NBPF11: variants seen among roughly 807,000 people sequenced by gnomAD.
The protein encoded by NBPF11 is NBPF member 11.
In NBPF11, 72 loss-of-function variants were observed where a neutral mutation model predicts 93.9. The ratio of observed to expected loss-of-function variants is 0.77; its 90% CI spans 0.63 to 0.93. NBPF11 has a LOEUF of 0.93. Ranked by LOEUF, NBPF11 falls within the 40% of genes least tolerant of loss-of-function variation. The probability of loss-of-function intolerance (pLI) is 0.00; values close to 1 mark genes in which losing one functional copy is unlikely to be tolerated. For synonymous variants in NBPF11, 224 were observed against 304.9 expected (o/e 0.73, Z 2.76); for missense variants, 705 against 802.2 (o/e 0.88, Z 1.46).
intron 2 of NBPF11, among the ~76,000 whole-genome samples, chr1:148,142,207 A>G (rs1672306892): frequency 6.6e-6 from 1 of 151,834 alleles, no homozygotes; most frequent in East Asian, 1.9e-4. Flanking sequence ...ATTTACATGA[A>G]GATGAGAACA....
intron 7 of NBPF11, 145 bp from the exon 8 acceptor site, chr1:148,122,946 C>G (rs1244225203): frequency 1.0e-5 from 15 of 1,449,036 alleles, no homozygotes; most frequent in Non-Finnish European, 1.4e-5. Context: ...ACAAAATGCC[C>G]TGGCATGGTT....
intron 2 of NBPF11, among the ~76,000 whole-genome samples, chr1:148,138,765 C>G (rs1419773407): frequency 3.3e-5 from 5 of 151,796 alleles, no homozygotes; most frequent in Admixed American, 3.3e-4. Context: ...TCTTCCTACA[C>G]AGACACAGTA....
rs1220150877 is a variant in NBPF11 at position 148,103,875 on chromosome 1, C to A, written c.*21G>T. On this transcript the variant is annotated 3_prime_UTR_variant, in exon 24 of 24. Transcript: ENST00000682118. ...TATCTATCCAGTGAGTCCTGTAAGA[C>A]TTCAGGCACTTCCACTTCCATCAGC... The A allele has an allele frequency of 5.6e-6, 9 of 1,611,020 alleles. No homozygotes were observed. Among genetic ancestry groups the A allele is most frequent in the Non-Finnish European group, 7.6e-6 (9 of 1,179,302 alleles).
chr1:148,125,287 A>C (rs1668841658), intron 5 of NBPF11, among the ~76,000 whole-genome samples: 1 of 151,746 alleles, frequency 6.6e-6, no homozygotes, highest in South Asian at 2.1e-4. Flanking sequence ...CTGAGGTCTG[A>C]CTCTGAATGC....
chr1:148,114,222 A>T (rs1665942764), intron 15 of NBPF11, among the ~76,000 whole-genome samples: 1 of 150,886 alleles, frequency 6.6e-6, no homozygotes, highest in African/African-American at 2.4e-5. Context: ...TGGCTAGTTC[A>T]CCTGGCTCAT....
chr1:148,118,029 C>G (rs1248610167), intron 11 of NBPF11, among the ~76,000 whole-genome samples: 1 of 151,798 alleles, frequency 6.6e-6, no homozygotes, highest in Non-Finnish European at 1.5e-5. Flanking sequence ...CTTCTGTAAA[C>G]AAAAGTAGGT....
At chr1:148,146,242 C>T (rs1673006158) in intron 1 of NBPF11, among the ~76,000 whole-genome samples, 1 of 151,650 alleles carries the variant, frequency 6.6e-6, no homozygotes, top group Admixed American at 6.6e-5. Context: ...GGGCCCTGGC[C>T]TCCTAACGGG....
intron 23 of NBPF11, among the ~76,000 whole-genome samples, 199 bp downstream of exon 23, chr1:148,104,338 C>T (rs1291825995): frequency 6.8e-6 from 1 of 146,128 alleles, no homozygotes; most frequent in Admixed American, 6.8e-5. Flanking sequence ...GTATGGTCCA[C>T]CTATGGTACG....
rs1253566121 is a variant in NBPF11 at position 148,125,754 on chromosome 1, G to C, written c.176-753C>G. On this transcript the variant is annotated intron_variant, in intron 5 of 23. Coordinates refer to ENST00000682118, the MANE Select transcript of NBPF11 (RefSeq NM_001385469.3). ...ATGTAATTCATTGCAGCAATTTACA[G>C]AGGTAGGCATTATTGTAGTACCCTC... 5.3e-4 allele frequency among the ~76,000 whole-genome samples: 81 copies of C among 152,092 alleles called. 2 individuals carry two copies. The highest frequency in any genetic ancestry group is 2.0e-3 in the African/African-American group (81 of 41,340).
chr1:148,119,646 C>T (rs1450724871), intron 10 of NBPF11, among the ~76,000 whole-genome samples: 1 of 151,924 alleles, frequency 6.6e-6, no homozygotes, highest in Non-Finnish European at 1.5e-5. Flanking sequence ...GCTTTTTATT[C>T]TTATTTTTAT....
chr1:148,140,907 C>T lies in NBPF11; in HGVS notation c.-277+2508G>A, dbSNP rs1299396829. Among the ~76,000 whole-genome samples, 93 of 151,972 alleles carry T rather than the reference C, an allele frequency of 6.1e-4. 1 individual carries two copies. The highest frequency in any genetic ancestry group is 1.7e-3 in the African/African-American group (70 of 41,296). On this transcript the variant is annotated intron_variant, in intron 2 of 23. Coordinates refer to ENST00000682118, the MANE Select transcript of NBPF11 (RefSeq NM_001385469.3). ...TGTCAAAACTTGGAAGTACCCAAGA[C>T]GTCTTTCACCAAGTGAATGAATAAA...
rs1273712915 is a variant in NBPF11 at position 148,123,147 on chromosome 1, C to T, written c.494-346G>A. ...ACAGGCTTGGTGTCCTGTCACAGTT[C>T]GCATTTCAAACCTCATTCATTCTCT... On this transcript the variant is annotated intron_variant, in intron 7 of 23. Coordinates refer to ENST00000682118, the MANE Select transcript of NBPF11 (RefSeq NM_001385469.3). Among the ~76,000 whole-genome samples, 49 of 152,098 alleles carry T rather than the reference C, an allele frequency of 3.2e-4. 1 individual carries two copies. Among genetic ancestry groups the T allele is most frequent in the African/African-American group, 8.9e-4 (37 of 41,368 alleles).
At chr1:148,114,986 G>A (rs1418792492) in intron 14 of NBPF11, among the ~76,000 whole-genome samples, 1 of 147,508 alleles carries the variant, frequency 6.8e-6, no homozygotes, top group East Asian at 2.0e-4. Context: ...CCAATATGGG[G>A]AAACCCTGTC....
intron 9 of NBPF11, 39 bp from the exon 10 acceptor site, chr1:148,120,749 C>T: frequency 7.2e-7 from 1 of 1,379,390 alleles, no homozygotes; most frequent in Middle Eastern, 2.5e-4. Context: ...GGGTTAAAAA[C>T]TGGTGAAATC....
chr1:148,105,902 C>G (rs1663483253), intron 21 of NBPF11, among the ~76,000 whole-genome samples: 1 of 138,806 alleles, frequency 7.2e-6, no homozygotes, highest in Admixed American at 7.2e-5. Context: ...AGACTGTGCT[C>G]AATAATTTTC....
intron 15 of NBPF11, among the ~76,000 whole-genome samples, chr1:148,111,494 T>TA (rs587596580): frequency 3.4e-4 from 51 of 151,960 alleles, no homozygotes; most frequent in Admixed American, 2.4e-3. Context: ...GCAAGGAAGC[T>TA]AAAAACCTTA....
Position 148,149,623 on chromosome 1 carries a change from CG to C in NBPF11, c.-549+2126del. The C allele has an allele frequency of 3.3e-6, 5 of 1,506,668 alleles. No individual in the cohort carries two copies. In the South Asian group the frequency reaches 5.8e-5, roughly 17 times the overall value. 93.3% of individuals were successfully genotyped at this position (1,506,668 alleles called of 1,614,324 possible). A position where few individuals can be genotyped will look rare whatever the true frequency, so the allele number is the denominator to read the frequency against. ...AAGGCGGCCCCCGGACCTCACCCCG[CG>C]CCGGCCCCCACCCAGGGGCTGCATG... is the stretch of plus-strand genomic sequence containing the variant. On this transcript the variant is annotated intron_variant, in intron 1 of 23. Transcript: ENST00000682118.
intron 10 of NBPF11, among the ~76,000 whole-genome samples, 154 bp from the exon 11 acceptor site, chr1:148,118,876 CCTGA>C (rs373304376): frequency 7.2e-6 from 1 of 138,140 alleles, no homozygotes; most frequent in South Asian, 2.3e-4. Flanking sequence ...TCTTCAGTCT[CCTGA>C]CTTTCTGGCA....
At chr1:148,104,451 T>C in intron 23 of NBPF11, 86 bp downstream of exon 23, 2 of 607,372 alleles carry the variant, frequency 3.3e-6, no homozygotes, top group Non-Finnish European at 5.7e-6. Context: ...GTTGAAAACA[T>C]GACATCAAAC....
Sources: gnomAD v4.1 joint callset for allele counts (sites outside exome capture counted in the v4.1 genomes callset) on GRCh38, gnomAD v4.1.1 for gene constraint, MANE v1.5 for transcripts, NCBI Gene and HGNC (gene_info 2026-07-23, HGNC 2026-07-21) for gene names.